TMEM44: variants seen among roughly 807,000 people sequenced by gnomAD.
The protein encoded by TMEM44 is transmembrane protein 44.
TMEM44 carries 43 observed loss-of-function variants against 47.8 expected under a neutral mutation model. The observed-to-expected ratio is 0.90, with a 90% CI of 0.70 to 1.16. The LOEUF (loss-of-function observed/expected upper bound fraction) is 1.16. TMEM44 is among the 50% of genes most tolerant of loss of function. TMEM44 has a pLI of 0.00. For missense variants in TMEM44, 568 were observed against 555.2 expected (o/e 1.02, Z -0.23); for synonymous variants, 277 against 238.8 (o/e 1.16, Z -1.48).
intron 8 of TMEM44, 98 bp from the exon 9 acceptor site, chr3:194,604,543 A>C: frequency 4.3e-6 from 6 of 1,411,122 alleles, no homozygotes; most frequent in Non-Finnish European, 4.7e-6. Flanking sequence ...CAAAATGTAC[A>C]AAAGGGTGTG....
At chr3:194,600,006 C>T (rs1228947736) in intron 9 of TMEM44, among the ~76,000 whole-genome samples, 1 of 150,618 alleles carries the variant, frequency 6.6e-6, no homozygotes, top group African/African-American at 2.4e-5. Context: ...GTAATCCACC[C>T]GCCTCAGCCT....
At chr3:194,615,438 T>A (rs978584279) in intron 7 of TMEM44, 131 bp downstream of exon 7, 2 of 1,292,456 alleles carry the variant, frequency 1.5e-6, no homozygotes, top group Non-Finnish European at 2.1e-6. Context: ...AGGACAGCTG[T>A]CTGAGTCGCC....
At chr3:194,632,787 G>T (rs1717953910) in intron 1 of TMEM44, 1 of 403,434 alleles carries the variant, frequency 2.5e-6, no homozygotes. Context: ...GTCACACTGC[G>T]AGTCAATGGC....
At chr3:194,617,019 T>C (rs948330744) in intron 6 of TMEM44, 80 bp downstream of exon 6, 13 of 1,391,610 alleles carry the variant, frequency 9.3e-6, no homozygotes, top group Non-Finnish European at 9.5e-6. Flanking sequence ...AAAAGAAGGG[T>C]GGGGCAGGGG....
intron 1 of TMEM44, among the ~76,000 whole-genome samples, chr3:194,629,748 T>A (rs1560205052): frequency 1.2e-5 from 1 of 82,446 alleles, no homozygotes; most frequent in Non-Finnish European, 2.3e-5. Context: ...GCTGTTTCCA[T>A]CGGCGTCACT....
At chr3:194,613,379 C>T (rs575802346) in intron 7 of TMEM44, among the ~76,000 whole-genome samples, 347 of 151,010 alleles carry the variant, frequency 2.3e-3, no homozygotes, top group African/African-American at 7.6e-3. Flanking sequence ...AGTTTCACCA[C>T]GTTGCCCAGG....
intron 9 of TMEM44, chr3:194,593,032 C>T (rs1252335246): frequency 1.2e-6 from 2 of 1,613,772 alleles, no homozygotes; most frequent in South Asian, 1.1e-5. Context: ...AGAGCATGAT[C>T]GTCCATACCT....
At chr3:194,615,769 C>A in intron 6 of TMEM44, 72 bp from the exon 7 acceptor site, 1 of 1,569,542 alleles carries the variant, frequency 6.4e-7, no homozygotes, top group Non-Finnish European at 8.7e-7. Flanking sequence ...CCCCTCCACA[C>A]CATGCTGCCA....
Position 194,627,957 on chromosome 3 carries a change from C to T in TMEM44, c.264+426G>A, listed in dbSNP as rs371988744. ...CCAAGTCATTGCATTCCAGCCTGGGCGACAGAGTAAGACTCTGTCTCAAAA... is the reference window on the plus strand; with the variant it reads ...CCAAGTCATTGCATTCCAGCCTGGGTGACAGAGTAAGACTCTGTCTCAAAA... On this transcript the variant is annotated intron_variant, in intron 2 of 9. Coordinates refer to ENST00000347147, the MANE Select transcript of TMEM44 (RefSeq NM_001011655.3). 9.9e-5 allele frequency among the ~76,000 whole-genome samples: 15 copies of T among 152,008 alleles called. 1 individual carries two copies. Among genetic ancestry groups the T allele is most frequent in the African/African-American group, 2.9e-4 (12 of 41,440 alleles).
At position 194,604,441 on chromosome 3, in the gene TMEM44, C is replaced by T. The variant is rs930858594; in HGVS notation, c.1022G>A (p.Gly341Asp). ...ELTIEPVQQA[G>D]CSATRLPGDG... The stretch of plus-strand genomic sequence containing the variant: ...ACCTGGCAGCCTGGTGGCACTGCAG[C>T]CTGCCTGCAAGGTGTGTGAGAAAGG... Residue 341 changes from glycine to aspartate, a missense_variant, in exon 9 of 10, where the codon GGC becomes GAC. Coordinates refer to ENST00000347147, the MANE Select transcript of TMEM44 (RefSeq NM_001011655.3). 5 of 1,513,142 alleles carry T rather than the reference C, an allele frequency of 3.3e-6. No homozygotes were observed. The highest frequency in any genetic ancestry group is 2.8e-5 in the African/African-American group (2 of 72,250). The allele number at this position is 1,513,142 out of a possible 1,614,324, so 93.7% of individuals were successfully genotyped here.
intron 5 of TMEM44, among the ~76,000 whole-genome samples, chr3:194,619,240 G>A (rs1716270440): frequency 6.6e-6 from 1 of 152,206 alleles, no homozygotes; most frequent in East Asian, 1.9e-4. Context: ...CCCTTCTCAG[G>A]GTCAGTCCTG....
chr3:194,620,605 A>G (rs1716417305), intron 5 of TMEM44, among the ~76,000 whole-genome samples: 1 of 152,184 alleles, frequency 6.6e-6, no homozygotes, highest in Non-Finnish European at 1.5e-5. Flanking sequence ...AAAGGGGCAC[A>G]TTTCAGGTTG....
intron 7 of TMEM44, among the ~76,000 whole-genome samples, chr3:194,613,200 C>G (rs1008358214): frequency 6.6e-6 from 1 of 151,988 alleles, no homozygotes; most frequent in Non-Finnish European, 1.5e-5. Context: ...TTTCTTGAGA[C>G]AGATTTTCAC....
At chr3:194,630,212 G>A (rs563138788) in intron 1 of TMEM44, among the ~76,000 whole-genome samples, 2 of 26,780 alleles carry the variant, frequency 7.5e-5, no homozygotes, top group Admixed American at 7.3e-4. Context: ...GAAATAATAC[G>A]CTGTCGTACT....
In TMEM44 at chr3:194,611,662, T is replaced by G. The variant is rs1715335693; in HGVS notation, c.913-642A>C. ...ACCACTGCAATAGGTGCCCAATAAGTGCTTTTGCAAAGCTGTGGTTCTCTA... is the reference window on the plus strand; with the variant it reads ...ACCACTGCAATAGGTGCCCAATAAGGGCTTTTGCAAAGCTGTGGTTCTCTA... On this transcript the variant is annotated intron_variant, in intron 7 of 9. Coordinates refer to ENST00000347147, the MANE Select transcript of TMEM44 (RefSeq NM_001011655.3). This position sits in a 1 kb window ranked among gnomAD's most constrained non-coding sequence, Gnocchi z 4.2. Among the ~76,000 whole-genome samples, 1 of 152,196 alleles carries G rather than the reference T, an allele frequency of 6.6e-6. No individual in the cohort carries two copies. The highest frequency in any genetic ancestry group is 1.5e-5 in the Non-Finnish European group (1 of 68,034).
At chr3:194,628,543 A>T (rs1463716221) in intron 1 of TMEM44, 34 bp from the exon 2 acceptor site, 1 of 1,573,816 alleles carries the variant, frequency 6.4e-7, no homozygotes, top group Non-Finnish European at 8.6e-7. Flanking sequence ...GAACACAGCA[A>T]CTGTGAGTTT....
At chr3:194,630,996 G>A (rs977919001) in intron 1 of TMEM44, among the ~76,000 whole-genome samples, 2 of 144,030 alleles carry the variant, frequency 1.4e-5, no homozygotes, top group Non-Finnish European at 3.0e-5. Context: ...GAAATAATAC[G>A]CTGTTGTACC....
At chr3:194,600,986 C>T (rs1218067149) in intron 9 of TMEM44, among the ~76,000 whole-genome samples, 1 of 152,146 alleles carries the variant, frequency 6.6e-6, no homozygotes. Flanking sequence ...TGTTTTAGGG[C>T]ATGAAGGAGG....
intron 9 of TMEM44, among the ~76,000 whole-genome samples, chr3:194,594,343 A>G (rs1010846519): frequency 1.5e-4 from 22 of 151,152 alleles, no homozygotes; most frequent in Admixed American, 8.6e-4. Context: ...TTGTATTTTT[A>G]GTAGAGATGG....
Sources: allele counts gnomAD v4.1 joint callset (sites outside exome capture counted in the v4.1 genomes callset), GRCh38; gene constraint gnomAD v4.1.1; non-coding constraint Gnocchi (gnomAD v3.1); transcripts MANE v1.5; gene names NCBI Gene and HGNC (gene_info 2026-07-23, HGNC 2026-07-21).